The following SPATC1 variants were observed in gnomAD, a reference collection of about 807,000 sequenced individuals.
SPATC1 encodes speriolin.
Under a neutral mutation model 36.5 loss-of-function variants are expected in SPATC1, and 35 were observed. That is an observed-to-expected ratio of 0.96 (90% CI 0.73 to 1.27). The LOEUF (loss-of-function observed/expected upper bound fraction) is 1.27. Ranked by LOEUF, SPATC1 falls within the 50% of genes most tolerant of loss-of-function variation. SPATC1 has a pLI of 0.00. For synonymous variants in SPATC1, 361 were observed against 353.6 expected, an observed-to-expected ratio of 1.02 and a Z score of -0.24; for missense variants, 779 against 796.0, an observed-to-expected ratio of 0.98 and a Z score of 0.26.
chr8:144,013,831 C>T (rs190387436), intron 1 of SPATC1, among the ~76,000 whole-genome samples: 1 of 152,290 alleles, frequency 6.6e-6, no homozygotes, highest in African/African-American at 2.4e-5. Context: ...TGGTTCACGC[C>T]TATAATCCCA....
intron 1 of SPATC1, among the ~76,000 whole-genome samples, chr8:144,029,959 A>G (rs1306064659): frequency 6.6e-6 from 1 of 152,160 alleles, no homozygotes; most frequent in Non-Finnish European, 1.5e-5. Flanking sequence ...TTTCTGCTTT[A>G]TATATTTTCC....
intron 1 of SPATC1, among the ~76,000 whole-genome samples, chr8:144,018,700 C>T (rs1834440470): frequency 6.6e-6 from 1 of 151,764 alleles, no homozygotes; most frequent in Admixed American, 6.6e-5. Context: ...ATGTTCTTCT[C>T]TGAGAGCAAG....
chr8:144,039,397 C>T (rs530446745), intron 1 of SPATC1, among the ~76,000 whole-genome samples: 5 of 152,352 alleles, frequency 3.3e-5, no homozygotes, highest in East Asian at 3.9e-4. Context: ...TGCCGGGCCA[C>T]GTGAGGCTCT....
At position 144,040,982 on chromosome 8, in the gene SPATC1, C is replaced by G. The variant is rs1587528561; in HGVS notation, c.1181C>G (p.Ser394Cys). ...GCCCACTCCCCACCTCGTACCTCAT[C>G]CTCCCCGGCTTCAGTCAATGACTCT... is the stretch of plus-strand genomic sequence containing the variant. ...HNAHSPPRTS[S>C]SPASVNDSRG... Residue 394 changes from serine to cysteine, a missense_variant, in exon 3 of 5, where the codon TCC (serine) becomes TGC (cysteine). Transcript: ENST00000377470. 6.2e-7 allele frequency: 1 copy of G among 1,612,402 alleles called. No individual in the cohort carries two copies. The highest frequency in any genetic ancestry group is 8.5e-7 in the Non-Finnish European group (1 of 1,179,858).
At chr8:144,025,108 C>G (rs917510834) in intron 1 of SPATC1, among the ~76,000 whole-genome samples, 3 of 152,060 alleles carry the variant, frequency 2.0e-5, no homozygotes, top group Non-Finnish European at 2.9e-5. Context: ...CCCTCAGGAC[C>G]CTCTTCTTTG....
intron 1 of SPATC1, among the ~76,000 whole-genome samples, chr8:144,037,925 C>G (rs1478831515): frequency 7.3e-5 from 11 of 151,702 alleles, no homozygotes; most frequent in Non-Finnish European, 1.2e-4. Context: ...GTCAGGAGAT[C>G]AAGACCATCC....
chr8:144,019,025 G>A (rs1834449763), intron 1 of SPATC1, among the ~76,000 whole-genome samples: 2 of 134,356 alleles, frequency 1.5e-5, no homozygotes, highest in South Asian at 4.9e-4. Flanking sequence ...CTGGGCGACA[G>A]AGCGAGACTC....
At position 144,046,704 on chromosome 8, in the gene SPATC1, G is replaced by A. The variant is rs1835272383; in HGVS notation, c.1524G>A (p.Met508Ile). Residue 508 changes from methionine to isoleucine, a missense_variant, in exon 5 of 5, where the codon ATG (methionine) becomes ATA (isoleucine). Coordinates refer to ENST00000377470, the MANE Select transcript of SPATC1 (RefSeq NM_198572.3). This position sits in a 1 kb window ranked among gnomAD's most constrained non-coding sequence, Gnocchi z 6.6. ...QRLTQRYVSV[M>I]NRLQSLGYNG... ...TCACACAGCGCTATGTGAGCGTCAT[G>A]AACAGGCTGCAGAGTCTGGGCTACA... 6 of 1,612,654 alleles carry A rather than the reference G, an allele frequency of 3.7e-6. No homozygotes were observed. Among genetic ancestry groups the A allele is most frequent in the Non-Finnish European group, 5.1e-6 (6 of 1,179,988 alleles).
intron 1 of SPATC1, among the ~76,000 whole-genome samples, chr8:144,021,705 C>CAGAAA (rs1373193352): frequency 0.053 from 2,297 of 43,154 alleles, 3 homozygotes; most frequent in Admixed American, 0.068. Flanking sequence ...GAAAACCCTT[C>CAGAAA]CCCCTCAGGA....
chr8:144,036,383 A>G (rs1834898619), intron 1 of SPATC1, among the ~76,000 whole-genome samples: 1 of 152,238 alleles, frequency 6.6e-6, no homozygotes, highest in Non-Finnish European at 1.5e-5. Flanking sequence ...GGAGTGCAGT[A>G]GCACGATCAC....
chr8:144,022,834 C>A (rs1242565711), intron 1 of SPATC1, among the ~76,000 whole-genome samples: 1 of 150,514 alleles, frequency 6.6e-6, no homozygotes, highest in Admixed American at 6.6e-5. Context: ...TTTCTAACGA[C>A]CTTCTTCCCT....
rs371743206 is a variant in SPATC1 at position 144,041,316 on chromosome 8, A to G, written c.1391A>G (p.Glu464Gly). The change falls in exon 4 of 5, where the codon GAG becomes GGG. Residue 464 changes from glutamate (E) to glycine (G), a missense_variant. Physicochemically the swap from Glu to Gly is moderately conservative, Grantham distance 98. Transcript: ENST00000377470. ...DRRILSSIFPERVRLYGFTVS... is the reference protein window; with the variant it reads ...DRRILSSIFPGRVRLYGFTVS... ...AGGATCCTGTCCAGCATCTTCCCAG[A>G]GCGCGTACGGCTCTACGGCTTCACT... The G allele has an allele frequency of 1.9e-6, 3 of 1,612,938 alleles. No individual in the cohort carries two copies. The African/African-American group carries it at 4.0e-5, about 22-fold the overall frequency.
chr8:144,021,127 T>C (rs1834518232), intron 1 of SPATC1, among the ~76,000 whole-genome samples: 5 of 69,416 alleles, frequency 7.2e-5, no homozygotes, highest in Admixed American at 1.5e-4. Context: ...CCATGAGGAT[T>C]CTCTCCCTCA....
At chr8:144,041,157 C>T (rs1554755980) in intron 3 of SPATC1, 50 bp downstream of exon 3, 2 of 1,592,544 alleles carry the variant, frequency 1.3e-6, no homozygotes, top group Non-Finnish European at 1.7e-6. Flanking sequence ...GGCCCTCTCC[C>T]TGCCGCCTGC....
intron 1 of SPATC1, among the ~76,000 whole-genome samples, chr8:144,013,961 C>T (rs1445264357): frequency 3.9e-5 from 6 of 152,066 alleles, no homozygotes; most frequent in African/African-American, 1.2e-4. Flanking sequence ...ATCTCAAAAA[C>T]TAATAATAGG....
chr8:144,038,901 G>A (rs1293927413), intron 1 of SPATC1, among the ~76,000 whole-genome samples: 2 of 152,074 alleles, frequency 1.3e-5, no homozygotes, highest in Non-Finnish European at 2.9e-5. Context: ...CCATATAGCT[G>A]GCAAAGGTGG....
At chr8:144,018,512 T>C (rs983920642) in intron 1 of SPATC1, among the ~76,000 whole-genome samples, 10 of 151,840 alleles carry the variant, frequency 6.6e-5, no homozygotes, top group Non-Finnish European at 1.3e-4. Context: ...GGAGAGACTG[T>C]TGGAAAATAC....
chr8:144,046,500 C>T lies in SPATC1; in HGVS notation c.1447-127C>T. On this transcript the variant is annotated intron_variant, in intron 4 of 4. Coordinates refer to ENST00000377470, the MANE Select transcript of SPATC1 (RefSeq NM_198572.3). This position sits in a 1 kb window ranked among gnomAD's most constrained non-coding sequence, Gnocchi z 6.6. ...TAGATTCTTGAGGTCTGTCGCAGAA[C>T]CTCCCCACCGCACACCCCTCGGATC... 2.3e-6 allele frequency: 2 copies of T among 856,476 alleles called. 1 individual carries two copies. 53.1% of individuals were successfully genotyped at this position (856,476 alleles called of 1,614,324 possible).
chr8:144,016,235 A>G lies in SPATC1; in HGVS notation c.211+3509A>G, dbSNP rs1834390494. Among the ~76,000 whole-genome samples, 1 of 152,144 alleles carries G rather than the reference A, an allele frequency of 6.6e-6. No individual in the cohort carries two copies. Among genetic ancestry groups the G allele is most frequent in the African/African-American group, 2.4e-5 (1 of 41,428 alleles). On this transcript the variant is annotated intron_variant, in intron 1 of 4. Coordinates refer to ENST00000377470, the MANE Select transcript of SPATC1 (RefSeq NM_198572.3). This position sits in a 1 kb window ranked among gnomAD's most constrained non-coding sequence, Gnocchi z 4.5. Reference sequence around the variant, plus strand: ...TACGCCATTGCACTCCAGCCTGAGCAACAAGAGCAAGACTTCATCTCAAAA... The same window carrying G: ...TACGCCATTGCACTCCAGCCTGAGCGACAAGAGCAAGACTTCATCTCAAAA...
Sources: allele counts gnomAD v4.1 joint callset (sites outside exome capture counted in the v4.1 genomes callset), GRCh38; gene constraint gnomAD v4.1.1; non-coding constraint Gnocchi (gnomAD v3.1); transcripts MANE v1.5; gene names NCBI Gene and HGNC (gene_info 2026-07-23, HGNC 2026-07-21).